The following ATP10B variants were observed in gnomAD, a reference collection of about 807,000 sequenced individuals.
ATP10B encodes phospholipid-transporting ATPase VB.
In ATP10B, 122 loss-of-function variants were observed where a neutral mutation model predicts 141.2. The ratio of observed to expected loss-of-function variants is 0.86; its 90% CI spans 0.75 to 1.00. The LOEUF (loss-of-function observed/expected upper bound fraction) is 1.00, where lower values mean the gene tolerates loss of function less well. Among genes scored for constraint, ATP10B ranks in the 50% least tolerant of loss-of-function variants. The pLI is 0.00. For synonymous variants in ATP10B, 685 were observed against 692.0 expected, an observed-to-expected ratio of 0.99 and a Z score of 0.16; for missense variants, 1,876 against 1,825.3, an observed-to-expected ratio of 1.03 and a Z score of -0.51.
At chr5:160,660,114 T>A (rs1348003813) in intron 7 of ATP10B, among the ~76,000 whole-genome samples, 1 of 152,200 alleles carries the variant, frequency 6.6e-6, no homozygotes, top group East Asian at 1.9e-4. Context: ...TTAATGTGGA[T>A]GAGGTGGACT....
chr5:160,590,021 G>T (rs1299179456), intron 23 of ATP10B, among the ~76,000 whole-genome samples: 2 of 152,196 alleles, frequency 1.3e-5, no homozygotes, highest in African/African-American at 4.8e-5. Context: ...AATGAGTTTA[G>T]TCTATTAGGC....
chr5:160,916,715 G>A, the ATP10B span, among the ~76,000 whole-genome samples: 2 of 152,082 alleles, frequency 1.3e-5, no homozygotes, highest in African/African-American at 2.4e-5. Context: ...CAGGCAGTTG[G>A]GCTACAGAAC....
chr5:160,912,766 G>A, the ATP10B span, among the ~76,000 whole-genome samples: 2 of 152,188 alleles, frequency 1.3e-5, no homozygotes, highest in Middle Eastern at 3.2e-3. Flanking sequence ...TAAATTAAGT[G>A]TGCTTTTCCT....
At chr5:160,735,109 A>C (rs1767017171) in intron 2 of ATP10B, among the ~76,000 whole-genome samples, 1 of 151,564 alleles carries the variant, frequency 6.6e-6, no homozygotes, top group Non-Finnish European at 1.5e-5. Context: ...AAAAAAAAAA[A>C]ACACCGGAAA....
chr5:160,801,286 T>G (rs750200403), intron 1 of ATP10B, among the ~76,000 whole-genome samples: 11 of 152,178 alleles, frequency 7.2e-5, no homozygotes, highest in Non-Finnish European at 1.5e-4. Context: ...CACTCTGTCT[T>G]ATTGATCCTG....
intron 8 of ATP10B, among the ~76,000 whole-genome samples, chr5:160,648,021 G>A (rs372168630): frequency 1.3e-4 from 20 of 152,252 alleles, no homozygotes; most frequent in East Asian, 3.9e-4. Context: ...CGCAATGTAC[G>A]GCTATGGAAA....
intron 2 of ATP10B, among the ~76,000 whole-genome samples, chr5:160,743,078 C>T (rs1767584927): frequency 6.6e-6 from 1 of 152,134 alleles, no homozygotes; most frequent in Non-Finnish European, 1.5e-5. Context: ...ACTTTATACA[C>T]AGTATTTTAT....
chr5:160,577,285 C>A (rs1755252388), intron 24 of ATP10B, among the ~76,000 whole-genome samples: 2 of 152,286 alleles, frequency 1.3e-5, no homozygotes, highest in African/African-American at 2.4e-5. Flanking sequence ...TCCTTAAACT[C>A]ATTGCCCAAA....
chr5:160,687,908 T>C lies in ATP10B; in HGVS notation c.167A>G (p.His56Arg). ...RVVFPNNSIFHQDWEEVSRRY... is the reference protein window; with the variant it reads ...RVVFPNNSIFRQDWEEVSRRY... The stretch of plus-strand genomic sequence containing the variant: ...CCTGGAGACCTCTTCCCAATCTTGA[T>C]GGAATATGCTGTTGTTGGGGAACAC... The change falls in exon 5 of 26, where the codon CAT becomes CGT. Residue 56 changes from histidine (H) to arginine (R), a missense_variant. Transcript: ENST00000327245. 1 of 1,614,106 alleles carries C rather than the reference T, an allele frequency of 6.2e-7. No individual in the cohort carries two copies. The highest frequency in any genetic ancestry group is 1.3e-5 in the African/African-American group (1 of 75,024).
intron 2 of ATP10B, among the ~76,000 whole-genome samples, chr5:160,727,222 CTGAAAGCA>C (rs1766425420): frequency 6.6e-6 from 1 of 152,156 alleles, no homozygotes; most frequent in South Asian, 2.1e-4. Context: ...ACATTATACA[CTGAAAGCA>C]TGAACGCCGA....
At position 160,644,151 on chromosome 5, in the gene ATP10B, A is replaced by G; in HGVS notation, c.855T>C (p.Ile285=). The G allele has an allele frequency of 1.2e-6, 2 of 1,613,658 alleles. No homozygotes were observed. The highest frequency in any genetic ancestry group is 1.3e-5 in the African/African-American group (1 of 75,036). ...CCAGACAATGACCTGCATAGATGAC[A>G]ATGCCAACAGCCATCTCGGTGTTTC... ...TIRNTEMAVG[I]VIYAGHETKA... The change falls in exon 9 of 26, where the codon ATT becomes ATC. Residue 285 remains isoleucine, a synonymous_variant. Transcript: ENST00000327245.
In ATP10B at chr5:160,688,001, G is replaced by A. The variant is rs769631234; in HGVS notation, c.74C>T (p.Ser25Leu). ...RVRDGFPHCPSETTPLLSPEK... is the reference protein window; with the variant it reads ...RVRDGFPHCPLETTPLLSPEK... ...TGGAGAGAGCAGCGGTGTGGTTTCC[G>A]ATGGACAATGGGGGAAGCCATCTCT... The change falls in exon 5 of 26, where the codon TCG (serine) becomes TTG (leucine). Residue 25 changes from serine to leucine, a missense_variant. Physicochemically the swap from Ser to Leu is moderately radical, Grantham distance 145. Coordinates refer to ENST00000327245, the MANE Select transcript of ATP10B (RefSeq NM_025153.3). 6.8e-6 allele frequency: 11 copies of A among 1,613,918 alleles called. No individual in the cohort carries two copies. Among genetic ancestry groups the A allele is most frequent in the South Asian group, 5.5e-5 (5 of 91,076 alleles).
chr5:160,822,539 T>C (rs572738569), intron 1 of ATP10B, among the ~76,000 whole-genome samples: 325 of 151,998 alleles, frequency 2.1e-3, no homozygotes, highest in African/African-American at 7.2e-3. Context: ...GGAATCAGTA[T>C]ATGGAAGAAA....
the ATP10B span, among the ~76,000 whole-genome samples, chr5:160,861,551 CATG>C: frequency 6.6e-6 from 1 of 151,808 alleles, no homozygotes; most frequent in African/African-American, 2.4e-5. Context: ...CAAATCAATG[CATG>C]AGGAGAAAGG....
At position 160,620,477 on chromosome 5, in the gene ATP10B, G is replaced by T. The variant is rs773077857; in HGVS notation, c.2286C>A (p.Cys762Ter). Residue 762 changes from cysteine (C) to a stop codon, truncating the protein, a stop_gained, in exon 15 of 26, where the codon TGC becomes TGA. Coordinates refer to ENST00000327245, the MANE Select transcript of ATP10B (RefSeq NM_025153.3). LOFTEE classifies it high-confidence loss of function. The stretch of plus-strand genomic sequence containing the variant: ...TCCTGACAGAGTCAAAGCCCAGGGT[G>T]CAGAGGAGGCTGAAGGTGAGGCAGG... ...QGTCLTFSLL[C>*]TLGFDSVRKR... is the part of the protein sequence containing the mutation. 18 of 1,614,114 alleles carry T rather than the reference G, an allele frequency of 1.1e-5. No individual in the cohort carries two copies. The highest frequency in any genetic ancestry group is 6.7e-5 in the Admixed American group (4 of 60,002).
At chr5:160,633,361 C>G (rs1447649772) in intron 12 of ATP10B, 3 of 152,204 alleles carry the variant, frequency 2.0e-5, no homozygotes, top group Non-Finnish European at 4.4e-5. Context: ...ACATATACAC[C>G]ATGGAATATT....
the ATP10B span, among the ~76,000 whole-genome samples, chr5:160,863,585 A>G: frequency 1.3e-3 from 197 of 152,154 alleles, no homozygotes; most frequent in African/African-American, 4.4e-3. Flanking sequence ...ATCCAAACTC[A>G]GCAGAAGAAA....
chr5:160,827,445 G>A (rs1244007393), intron 1 of ATP10B, among the ~76,000 whole-genome samples: 1 of 152,170 alleles, frequency 6.6e-6, no homozygotes, highest in Admixed American at 6.5e-5. Flanking sequence ...TTGGCCATGT[G>A]TATGGCTTCT....
intron 2 of ATP10B, among the ~76,000 whole-genome samples, chr5:160,737,399 G>A (rs1367681316): frequency 6.6e-6 from 1 of 152,152 alleles, no homozygotes; most frequent in African/African-American, 2.4e-5. Context: ...GGAAGTCCTA[G>A]CTAGAGCAAT....
Sources: gnomAD v4.1 joint callset for allele counts (sites outside exome capture counted in the v4.1 genomes callset) on GRCh38, gnomAD v4.1.1 for gene constraint, MANE v1.5 for transcripts, NCBI Gene and HGNC (gene_info 2026-07-23, HGNC 2026-07-21) for gene names.